Variants in ACYP2 observed in about 807,000 individuals in gnomAD.
ACYP2 encodes acylphosphatase 2, also known as acylphosphatase-2.
ACYP2 carries 12 observed loss-of-function variants against 11.2 expected under a neutral mutation model. The observed-to-expected ratio is 1.08, with a 90% CI of 0.69 to 1.74. The LOEUF (loss-of-function observed/expected upper bound fraction) is 1.74, where lower values mean the gene tolerates loss of function less well. Among genes scored for constraint, ACYP2 ranks in the 40% most tolerant of loss-of-function variants. The probability of loss-of-function intolerance (pLI) is 0.00; values close to 1 mark genes in which losing one functional copy is unlikely to be tolerated. For missense variants in ACYP2, 134 were observed against 101.9 expected (o/e 1.31, Z -1.35); for synonymous variants, 43 against 32.2 (o/e 1.33, Z -1.13).
chr2:54,249,151 C>G (rs992380925), intron 6 of ACYP2, among the ~76,000 whole-genome samples: 1 of 151,750 alleles, frequency 6.6e-6, no homozygotes, highest in Non-Finnish European at 1.5e-5. Flanking sequence ...GCAAAAGGGA[C>G]ATGATTACTT....
chr2:54,167,688 GTCTT>G (rs1683052657), intron 6 of ACYP2, among the ~76,000 whole-genome samples: 1 of 152,164 alleles, frequency 6.6e-6, no homozygotes, highest in African/African-American at 2.4e-5. Context: ...GTAGGAAAGT[GTCTT>G]TATTTTTTAT....
intron 6 of ACYP2, among the ~76,000 whole-genome samples, chr2:54,233,805 C>A (rs1386840603): frequency 6.6e-6 from 1 of 152,036 alleles, no homozygotes; most frequent in Non-Finnish European, 1.5e-5. Flanking sequence ...ATTAAGGGAA[C>A]TTCAAAAAGG....
At chr2:54,189,246 A>G (rs905266956) in intron 6 of ACYP2, among the ~76,000 whole-genome samples, 1 of 152,178 alleles carries the variant, frequency 6.6e-6, no homozygotes, top group Non-Finnish European at 1.5e-5. Flanking sequence ...AACTGTAGTC[A>G]TGTTGTCCAT....
intron 2 of ACYP2, chr2:53,973,871 GT>G (rs1671312720): frequency 8.5e-6 from 1 of 118,050 alleles, no homozygotes; most frequent in African/African-American, 3.8e-5. Flanking sequence ...GTGTGTGTGT[GT>G]GTGTGTGTGT....
chr2:54,000,743 C>A (rs548926362), intron 2 of ACYP2, among the ~76,000 whole-genome samples: 3 of 152,216 alleles, frequency 2.0e-5, no homozygotes, highest in Non-Finnish European at 4.4e-5. Flanking sequence ...CTGAAAATTT[C>A]TGCCCATAAG....
At chr2:54,134,565 A>C (rs915927400) in intron 4 of ACYP2, among the ~76,000 whole-genome samples, 1 of 152,238 alleles carries the variant, frequency 6.6e-6, no homozygotes, top group Non-Finnish European at 1.5e-5. Flanking sequence ...TTAAAAATAG[A>C]ATAAATATGT....
At chr2:54,303,579 C>G (rs1689810353) in intron 6 of ACYP2, among the ~76,000 whole-genome samples, 1 of 152,168 alleles carries the variant, frequency 6.6e-6, no homozygotes, top group African/African-American at 2.4e-5. Flanking sequence ...TAATCTCACC[C>G]AGTAAAACTG....
chr2:54,178,274 T>C (rs1259348370), intron 6 of ACYP2, among the ~76,000 whole-genome samples: 3 of 152,222 alleles, frequency 2.0e-5, no homozygotes, highest in Non-Finnish European at 2.9e-5. Flanking sequence ...CATCAAAGCA[T>C]TTATTATGCC....
At chr2:53,992,739 G>A (rs968981225) in intron 2 of ACYP2, among the ~76,000 whole-genome samples, 2 of 150,012 alleles carry the variant, frequency 1.3e-5, no homozygotes, top group African/African-American at 2.5e-5. Context: ...GCTGTGGCAG[G>A]ATAATCACTT....
intron 4 of ACYP2, among the ~76,000 whole-genome samples, chr2:54,107,983 C>T (rs907172222): frequency 6.6e-6 from 1 of 152,150 alleles, no homozygotes; most frequent in African/African-American, 2.4e-5. Flanking sequence ...CTGGAAACTG[C>T]CACATCCAAA....
At chr2:54,229,090 G>C (rs761470259) in intron 6 of ACYP2, among the ~76,000 whole-genome samples, 1 of 152,106 alleles carries the variant, frequency 6.6e-6, no homozygotes, top group Admixed American at 6.6e-5. Context: ...CAAGGGCACC[G>C]AGCCAGGTAG....
chr2:54,073,846 C>T (rs569043576), intron 4 of ACYP2, among the ~76,000 whole-genome samples: 49 of 152,282 alleles, frequency 3.2e-4, no homozygotes, highest in Admixed American at 1.6e-3. Context: ...CACTTCATAC[C>T]TACTAGAATG....
chr2:54,082,443 A>T (rs1351422342), intron 4 of ACYP2: 1 of 151,980 alleles, frequency 6.6e-6, no homozygotes, highest in Non-Finnish European at 1.5e-5. Context: ...ACAAGGTTTC[A>T]CCATGTTGGC....
At chr2:54,190,539 T>C (rs1195146549) in intron 6 of ACYP2, among the ~76,000 whole-genome samples, 2 of 151,990 alleles carry the variant, frequency 1.3e-5, no homozygotes, top group African/African-American at 4.8e-5. Context: ...GCAACATCTT[T>C]TACCTCTCTC....
At chr2:53,981,618 G>A (rs1671767238) in intron 2 of ACYP2, among the ~76,000 whole-genome samples, 1 of 152,304 alleles carries the variant, frequency 6.6e-6, no homozygotes, top group Admixed American at 6.5e-5. Flanking sequence ...GAGGGGGGTT[G>A]CAAAGGGAGT....
intron 4 of ACYP2, among the ~76,000 whole-genome samples, chr2:54,126,420 A>T (rs1680508236): frequency 6.6e-6 from 1 of 152,188 alleles, no homozygotes; most frequent in East Asian, 1.9e-4. Context: ...ATTGTGACGG[A>T]TCACCACTGT....
chr2:54,280,091 T>C (rs1011551789), intron 6 of ACYP2, among the ~76,000 whole-genome samples: 3 of 151,972 alleles, frequency 2.0e-5, no homozygotes, highest in Admixed American at 2.0e-4. Flanking sequence ...AACACCATGA[T>C]AGGAAAGTTA....
intron 2 of ACYP2, among the ~76,000 whole-genome samples, chr2:54,013,307 GTGTGTGTGTT>G (rs1403306863): frequency 3.7e-4 from 51 of 137,338 alleles, no homozygotes; most frequent in Middle Eastern, 3.8e-3. Flanking sequence ...GTGTGTGTGT[GTGTGTGTGTT>G]TTGAGACAGA....
chr2:54,011,159 C>T (rs753806046), intron 2 of ACYP2, among the ~76,000 whole-genome samples: 1 of 152,088 alleles, frequency 6.6e-6, no homozygotes, highest in Non-Finnish European at 1.5e-5. Flanking sequence ...GAGAATCAAG[C>T]TTAAATATCC....
Sources: gnomAD v4.1 joint callset for allele counts (sites outside exome capture counted in the v4.1 genomes callset) on GRCh38, gnomAD v4.1.1 for gene constraint, MANE v1.5 for transcripts, NCBI Gene and HGNC (gene_info 2026-07-23, HGNC 2026-07-21) for gene names.